The following GLUL variants were observed in gnomAD, a reference collection of about 807,000 sequenced individuals.
GLUL encodes the protein glutamate-ammonia ligase, also known as glutamine synthetase.
A neutral mutation model predicts 36.9 loss-of-function variants in GLUL; 8 were observed. The ratio of observed to expected loss-of-function variants is 0.22; its 90% CI spans 0.13 to 0.39. The LOEUF (loss-of-function observed/expected upper bound fraction) is 0.39. GLUL is among the 10% of genes least tolerant of loss of function. The probability of loss-of-function intolerance (pLI) is 1.00; values close to 1 mark genes in which losing one functional copy is unlikely to be tolerated. For synonymous variants in GLUL, 182 were observed against 172.8 expected, an observed-to-expected ratio of 1.05 and a Z score of -0.42; for missense variants, 315 against 501.8, an observed-to-expected ratio of 0.63 and a Z score of 3.56.
intron 1 of GLUL, chr1:182,391,059 C>G (rs555131892): frequency 2.8e-5 from 11 of 397,708 alleles, no homozygotes; most frequent in African/African-American, 2.3e-4. Flanking sequence ...GCTGCTGCCT[C>G]CGCCCGGACC....
In GLUL at chr1:182,387,122, A is replaced by T; in HGVS notation, c.328+9T>A. The T allele has an allele frequency of 6.2e-7, 1 of 1,608,728 alleles. No homozygotes were observed. Among genetic ancestry groups the T allele is most frequent in the African/African-American group, 1.3e-5 (1 of 74,910 alleles). ...GAGGAGGGGTATCCATAGCTGTGCT[A>T]TAACACACCTGCAGGCCTTCGATTG... On this transcript the variant is annotated intron_variant, in intron 3 of 6. Coordinates refer to ENST00000331872, the MANE Select transcript of GLUL (RefSeq NM_001033044.4).
chr1:182,386,465 G>T (rs1650187843), intron 3 of GLUL, 63 bp from the exon 4 acceptor site: 1 of 1,180,914 alleles, frequency 8.5e-7, no homozygotes, highest in Admixed American at 1.7e-5. Context: ...GAATACCGAT[G>T]CTGATGGGAG....
At chr1:182,386,942 A>G in intron 3 of GLUL, 189 bp downstream of exon 3, 1 of 653,594 alleles carries the variant, frequency 1.5e-6, no homozygotes, top group South Asian at 1.7e-5. Context: ...CCAACAGAGA[A>G]GACCATAGAA....
chr1:182,388,892 TTA>T (rs1650293656), intron 1 of GLUL, 142 bp from the exon 2 acceptor site: 1 of 711,598 alleles, frequency 1.4e-6, no homozygotes, highest in Admixed American at 2.0e-5. Context: ...ACACAAAAAG[TTA>T]TGTTTACTCA....
intron 2 of GLUL, among the ~76,000 whole-genome samples, chr1:182,387,860 G>A (rs756073825): frequency 1.3e-5 from 2 of 152,166 alleles, no homozygotes; most frequent in African/African-American, 4.8e-5. Context: ...TATCTTCAGT[G>A]TCTGTGCACT....
rs149848439 is a variant in GLUL at position 182,380,509 on chromosome 1, C to T, written c.*3896G>A. Among the ~76,000 whole-genome samples, 427 of 152,186 alleles carry T rather than the reference C, an allele frequency of 2.8e-3. 1 individual carries two copies. Among genetic ancestry groups the T allele is most frequent in the African/African-American group, 9.8e-3 (408 of 41,518 alleles). On this transcript the variant is annotated 3_prime_UTR_variant, in exon 7 of 7. Transcript: ENST00000331872. Reference sequence around the variant, plus strand: ...CTGGACCTCACTACATTGCCTAGAACGGTCTCAAACTCCTGGGCTCAAGAG... The same window carrying T: ...CTGGACCTCACTACATTGCCTAGAATGGTCTCAAACTCCTGGGCTCAAGAG...
In GLUL at chr1:182,384,555, G is replaced by A; in HGVS notation, c.972C>T (p.Arg324=). Residue 324 remains arginine (R), a synonymous_variant, in exon 7 of 7, where the codon CGC becomes CGT. Coordinates refer to ENST00000331872, the MANE Select transcript of GLUL (RefSeq NM_001033044.4). ...AGVANRSASI[R]IPRTVGQEKK... ...TCTCCTGGCCAACAGTCCGGGGAAT[G>A]CGTATGCTGGCGCTACGATTGGCTA... The A allele has an allele frequency of 6.2e-7, 1 of 1,614,198 alleles. No individual in the cohort carries two copies. The highest frequency in any genetic ancestry group is 8.5e-7 in the Non-Finnish European group (1 of 1,180,026).
Position 182,386,355 on chromosome 1 carries a change from T to C in GLUL, c.376A>G (p.Asn126Asp), listed in dbSNP as rs766184034. 1 of 1,612,582 alleles carries C rather than the reference T, an allele frequency of 6.2e-7. No individual in the cohort carries two copies. The highest frequency in any genetic ancestry group is 8.5e-7 in the Non-Finnish European group (1 of 1,178,536). Residue 126 changes from asparagine (N) to aspartate (D), a missense_variant, in exon 4 of 7, where the codon AAC (asparagine) becomes GAC (aspartate). Transcript: ENST00000331872. The stretch of plus-strand genomic sequence containing the variant: ...TCCATGCCAAACCAGGGGTGCTGGT[T>C]GCTCACCATGTCCATTATCCGTTTA... ...TCKRIMDMVSNQHPWFGMEQE... is the reference protein window; with the variant it reads ...TCKRIMDMVSDQHPWFGMEQE...
Position 182,382,879 on chromosome 1 carries a change from A to T in GLUL, c.*1526T>A, listed in dbSNP as rs535371096. ...CACATAGGGATTTGAAAGAATCACA[A>T]ACACATCAGAGAGATCTTATGTTAG... On this transcript the variant is annotated 3_prime_UTR_variant, in exon 7 of 7. Transcript: ENST00000331872. The T allele has an allele frequency of 6.6e-6, 1 of 152,370 alleles. No homozygotes were observed. The highest frequency in any genetic ancestry group is 1.9e-4 in the East Asian group (1 of 5,186). 9.4% of individuals were successfully genotyped at this position (152,370 alleles called of 1,614,324 possible).
intron 2 of GLUL, among the ~76,000 whole-genome samples, chr1:182,388,117 A>C (rs1323062556): frequency 6.6e-6 from 1 of 152,208 alleles, no homozygotes; most frequent in East Asian, 1.9e-4. Flanking sequence ...TCAACTAAAA[A>C]TTAGTCCTAT....
chr1:182,390,790 G>A (rs1321399383), intron 1 of GLUL: 1 of 394,436 alleles, frequency 2.5e-6, no homozygotes, highest in Non-Finnish European at 4.5e-6. Context: ...CTGACTTCTC[G>A]TTGTCTTCAT....
intron 6 of GLUL, 174 bp downstream of exon 6, chr1:182,385,183 T>TG: frequency 1.6e-6 from 1 of 628,260 alleles, no homozygotes; most frequent in South Asian, 1.8e-5. Flanking sequence ...TGAGAGAATG[T>TG]GAAGGCAAGT....
rs1197167394 is a variant in GLUL, at chr1:182,382,886, C to G, written c.*1519G>C. 1 of 152,166 alleles carries G rather than the reference C, an allele frequency of 6.6e-6. No individual in the cohort carries two copies. The highest frequency in any genetic ancestry group is 1.5e-5 in the Non-Finnish European group (1 of 68,026). The allele number at this position is 152,166 out of a possible 1,614,324, so 9.4% of individuals were successfully genotyped here. A position where few individuals can be genotyped will look rare whatever the true frequency, so the allele number is the denominator to read the frequency against. ...GGATTTGAAAGAATCACAAACACAT[C>G]AGAGAGATCTTATGTTAGGCTGATT... On this transcript the variant is annotated 3_prime_UTR_variant, in exon 7 of 7. Coordinates refer to ENST00000331872, the MANE Select transcript of GLUL (RefSeq NM_001033044.4).
In GLUL at chr1:182,378,127, T is replaced by C. The variant is rs1032139682; in HGVS notation, c.*6278A>G. 6.6e-6 allele frequency among the ~76,000 whole-genome samples: 1 copy of C among 152,182 alleles called. No individual in the cohort carries two copies. Among genetic ancestry groups the C allele is most frequent in the Non-Finnish European group, 1.5e-5 (1 of 68,040 alleles). On this transcript the variant is annotated 3_prime_UTR_variant, in exon 7 of 7. Transcript: ENST00000331872. ...TTCTAAACCTTTATTGAAAGGCAAA[T>C]GCAGAAAGCCTTCAACACAGAGGAT...
At chr1:182,386,898 C>A (rs1214683690) in intron 3 of GLUL, 1 of 581,722 alleles carries the variant, frequency 1.7e-6, no homozygotes, top group East Asian at 3.0e-5. Context: ...GACCGGCAAA[C>A]AGATCTGGAC....
Position 182,383,506 on chromosome 1 carries a change from G to A in GLUL, c.*899C>T, listed in dbSNP as rs1214498267. ...CGTGTTGTCTGTTAACTAATCCAGT[G>A]CCCACCTTCTCCAGAGGGTGGGCAG... On this transcript the variant is annotated 3_prime_UTR_variant, in exon 7 of 7. Transcript: ENST00000331872. 1 of 152,100 alleles carries A rather than the reference G, an allele frequency of 6.6e-6. No homozygotes were observed. The highest frequency in any genetic ancestry group is 1.9e-4 in the East Asian group (1 of 5,188). 9.4% of individuals were successfully genotyped at this position (152,100 alleles called of 1,614,324 possible).
chr1:182,379,057 C>T lies in GLUL; in HGVS notation c.*5348G>A, dbSNP rs1044375004. On this transcript the variant is annotated 3_prime_UTR_variant, in exon 7 of 7. Coordinates refer to ENST00000331872, the MANE Select transcript of GLUL (RefSeq NM_001033044.4). The stretch of plus-strand genomic sequence containing the variant: ...TTGGCCTCCTACAGTGATGGGATTA[C>T]AGGCTTGAGCCACCATGCCCGGCCT... Among the ~76,000 whole-genome samples, 1 of 152,194 alleles carries T rather than the reference C, an allele frequency of 6.6e-6. No individual in the cohort carries two copies. The highest frequency in any genetic ancestry group is 2.4e-5 in the African/African-American group (1 of 41,440).
chr1:182,388,748 G>A lies in GLUL; in HGVS notation c.-11C>T, dbSNP rs753407315. On this transcript the variant is annotated splice_region_variant and 5_prime_UTR_variant, in exon 2 of 7. Coordinates refer to ENST00000331872, the MANE Select transcript of GLUL (RefSeq NM_001033044.4). ...TGCTGAGGTGGTCATGGTGGAAGGT[G>A]TTCTGGAGAAGAAAAAAAGAATAAC... The A allele has an allele frequency of 1.2e-6, 2 of 1,612,366 alleles. No homozygotes were observed. Among genetic ancestry groups the A allele is most frequent in the East Asian group, 2.2e-5 (1 of 44,876 alleles).
In GLUL at chr1:182,381,562, T is replaced by C. The variant is rs541192092; in HGVS notation, c.*2843A>G. 1 of 152,226 alleles carries C rather than the reference T, an allele frequency of 6.6e-6. No homozygotes were observed. Among genetic ancestry groups the C allele is most frequent in the East Asian group, 1.9e-4 (1 of 5,182 alleles). The allele number at this position is 152,226 out of a possible 1,614,324, so 9.4% of individuals were successfully genotyped here. On this transcript the variant is annotated 3_prime_UTR_variant, in exon 7 of 7. Transcript: ENST00000331872. ...AGGGGATTGCACTGTGACCTGTAGG[T>C]CAAAGCTAATTCTAGGTGAGAGGGT... is the stretch of plus-strand genomic sequence containing the variant.
Sources: allele counts gnomAD v4.1 joint callset (sites outside exome capture counted in the v4.1 genomes callset), GRCh38; gene constraint gnomAD v4.1.1; transcripts MANE v1.5; gene names NCBI Gene and HGNC (gene_info 2026-07-23, HGNC 2026-07-21).